Variants in MROH7 observed in about 807,000 individuals in gnomAD.
The protein encoded by MROH7 is maestro heat-like repeat-containing protein family member 7.
A neutral mutation model predicts 129.2 loss-of-function variants in MROH7; 113 were observed. That is an observed-to-expected ratio of 0.87 (90% CI 0.75 to 1.02). The LOEUF (loss-of-function observed/expected upper bound fraction) is 1.02. MROH7 is among the 50% of genes least tolerant of loss of function. MROH7 has a pLI of 0.00. For missense variants in MROH7, 1,601 were observed against 1,671.3 expected (o/e 0.96, Z 0.73); for synonymous variants, 655 against 667.9 (o/e 0.98, Z 0.30).
At chr1:54,670,617 C>T in intron 6 of MROH7, 41 bp downstream of exon 6, 1 of 1,574,096 alleles carries the variant, frequency 6.4e-7, no homozygotes, top group Non-Finnish European at 8.7e-7. Flanking sequence ...CCCCTCTCCT[C>T]TCTTCCTCCA....
At chr1:54,683,582 C>T (rs1645103792) in intron 14 of MROH7, among the ~76,000 whole-genome samples, 2 of 152,208 alleles carry the variant, frequency 1.3e-5, no homozygotes, top group East Asian at 3.8e-4. Flanking sequence ...CTTCTCAGCA[C>T]CCTTGATGGT....
intron 22 of MROH7, 69 bp from the exon 23 acceptor site, chr1:54,708,945 T>C (rs1485724144): frequency 7.3e-7 from 1 of 1,378,900 alleles, no homozygotes; most frequent in African/African-American, 1.4e-5. Flanking sequence ...GGAACTCTGG[T>C]CTAAGGGTGG....
chr1:54,702,515 A>G, intron 20 of MROH7, 108 bp from the exon 21 acceptor site: 5 of 1,108,124 alleles, frequency 4.5e-6, no homozygotes, highest in Non-Finnish European at 6.2e-6. Flanking sequence ...AAAAATGGTC[A>G]GCTTCACTTG....
At chr1:54,679,862 T>G in intron 12 of MROH7, 29 bp from the exon 13 acceptor site, 1 of 1,593,198 alleles carries the variant, frequency 6.3e-7, no homozygotes, top group Non-Finnish European at 8.5e-7. Flanking sequence ...GCAGTCCCCT[T>G]GCTCATGGCT....
rs1235499186 is a variant in MROH7, at chr1:54,702,091, C to T, written c.3287C>T (p.Ala1096Val). Residue 1096 changes from alanine to valine, a missense_variant and splice_region_variant, in exon 20 of 24, where the codon GCA becomes GTA. By Grantham distance (64) the Ala-to-Val change is moderately conservative. Transcript: ENST00000421030. Reference protein sequence around the residue: ...LQILLPHFSDAREVVRSSCIN... With the variant: ...LQILLPHFSDVREVVRSSCIN... ...CTCTGAGCCTTTGGTCTTCCCCAGG[C>T]ACGAGAGGTCGTGCGCTCCTCCTGC... is the stretch of plus-strand genomic sequence containing the variant. The T allele has an allele frequency of 3.1e-6, 5 of 1,590,466 alleles. No homozygotes were observed. In the African/African-American group the frequency reaches 4.1e-5, roughly 13 times the overall value.
rs868069158 is a variant in MROH7 at position 54,682,714 on chromosome 1, G to A, written c.2440G>A (p.Asp814Asn). The A allele has an allele frequency of 1.2e-6, 2 of 1,614,154 alleles. No homozygotes were observed. The highest frequency in any genetic ancestry group is 1.3e-5 in the African/African-American group (1 of 75,060). ...GTGTAAGCCCAGCTGTGATGTCCGAGACCTCCTGGATCTGCTCCTGGGCAG... is the reference window on the plus strand; with the variant it reads ...GTGTAAGCCCAGCTGTGATGTCCGAAACCTCCTGGATCTGCTCCTGGGCAG... ...ILCKPSCDVR[D>N]LLDLLLGSLK... The change falls in exon 14 of 24, where the codon GAC becomes AAC. Residue 814 changes from aspartate (D) to asparagine (N), a missense_variant. Coordinates refer to ENST00000421030, the MANE Select transcript of MROH7 (RefSeq NM_001039464.4).
At chr1:54,679,538 G>A in intron 12 of MROH7, 99 bp downstream of exon 12, 9 of 1,328,328 alleles carry the variant, frequency 6.8e-6, no homozygotes, top group Non-Finnish European at 9.3e-6. Context: ...GGGCAGGGTG[G>A]GGTATACCTG....
At chr1:54,654,521 G>C (rs1283756010) in intron 3 of MROH7, among the ~76,000 whole-genome samples, 1 of 151,832 alleles carries the variant, frequency 6.6e-6, no homozygotes, top group Admixed American at 6.6e-5. Flanking sequence ...AAAATACAAA[G>C]AATTAGCCAG....
intron 10 of MROH7, among the ~76,000 whole-genome samples, chr1:54,676,602 C>T (rs1644984890): frequency 6.6e-6 from 1 of 152,070 alleles, no homozygotes; most frequent in Non-Finnish European, 1.5e-5. Context: ...GCCATTTTGG[C>T]TAGGCTGGTC....
Position 54,679,962 on chromosome 1 carries a change from C to T in MROH7, c.2298C>T (p.Ala766=), listed in dbSNP as rs573351195. 1.9e-6 allele frequency: 3 copies of T among 1,613,990 alleles called. No individual in the cohort carries two copies. The highest frequency in any genetic ancestry group is 2.5e-6 in the Non-Finnish European group (3 of 1,179,972). Residue 766 remains alanine, a synonymous_variant, in exon 13 of 24, where the codon GCC becomes GCT. Coordinates refer to ENST00000421030, the MANE Select transcript of MROH7 (RefSeq NM_001039464.4). ...AGGAGCCTCGGGCCCGCCAGGTGGC[C>T]CTGCTGCCCGTCTCCCTCCTGGCTA... is the stretch of plus-strand genomic sequence containing the variant. The part of the protein sequence containing the change: ...HIQEPRARQV[A]LLPVSLLASS...
intron 1 of MROH7, among the ~76,000 whole-genome samples, chr1:54,647,210 A>G (rs921577112): frequency 2.0e-4 from 30 of 152,204 alleles, no homozygotes; most frequent in African/African-American, 7.2e-4. Context: ...CCATTGCCAA[A>G]TCCAAGATCA....
At chr1:54,643,081 G>A (rs1379540774) in intron 1 of MROH7, among the ~76,000 whole-genome samples, 1 of 152,124 alleles carries the variant, frequency 6.6e-6, no homozygotes, top group Non-Finnish European at 1.5e-5. Context: ...GGAAAATAGG[G>A]GTAACAAGAT....
intron 3 of MROH7, chr1:54,659,179 CT>C: frequency 2.6e-6 from 1 of 379,150 alleles, no homozygotes; most frequent in South Asian, 2.0e-5. Flanking sequence ...ACTGCAACCT[CT>C]GCCTCCCAGG....
chr1:54,675,648 A>C (rs1283323310), intron 10 of MROH7, among the ~76,000 whole-genome samples: 1 of 151,438 alleles, frequency 6.6e-6, no homozygotes, highest in South Asian at 2.1e-4. Flanking sequence ...CCCAGGCTAG[A>C]GTGCGGTGGC....
intron 17 of MROH7, chr1:54,697,707 T>G: frequency 2.8e-6 from 2 of 703,140 alleles, no homozygotes; most frequent in Non-Finnish European, 5.2e-6. Context: ...TAAGGGGAAT[T>G]TTTTAAGGTC....
chr1:54,679,170 G>C (rs980035819), intron 11 of MROH7, 93 bp from the exon 12 acceptor site: 12 of 1,271,830 alleles, frequency 9.4e-6, no homozygotes, highest in African/African-American at 4.4e-5. Context: ...GCATGTGGGC[G>C]TCAGGCAGTG....
chr1:54,645,480 C>T (rs998192544), intron 1 of MROH7, among the ~76,000 whole-genome samples: 1 of 151,766 alleles, frequency 6.6e-6, no homozygotes, highest in Admixed American at 6.6e-5. Flanking sequence ...AGGGTTTCAC[C>T]ATGTTGGCCA....
At chr1:54,645,203 G>A (rs1020383098) in intron 1 of MROH7, among the ~76,000 whole-genome samples, 6 of 152,132 alleles carry the variant, frequency 3.9e-5, no homozygotes, top group African/African-American at 1.4e-4. Context: ...GTCTTAAGAT[G>A]AGATTTTCCT....
At chr1:54,680,363 C>G (rs1402241811) in intron 13 of MROH7, among the ~76,000 whole-genome samples, 1 of 152,228 alleles carries the variant, frequency 6.6e-6, no homozygotes, top group Non-Finnish European at 1.5e-5. Flanking sequence ...GTCTAACTAA[C>G]TACCAGCCCA....
Sources: gnomAD v4.1 joint callset for allele counts (sites outside exome capture counted in the v4.1 genomes callset) on GRCh38, gnomAD v4.1.1 for gene constraint, MANE v1.5 for transcripts, NCBI Gene and HGNC (gene_info 2026-07-23, HGNC 2026-07-21) for gene names.